ZFP30: variants seen among roughly 807,000 people sequenced by gnomAD.
ZFP30 encodes ZFP30 zinc finger protein.
Under a neutral mutation model 12.3 loss-of-function variants are expected in ZFP30, and 16 were observed. The observed-to-expected ratio is 1.30, with a 90% confidence interval of 0.88 to 1.98. The LOEUF (loss-of-function observed/expected upper bound fraction) is 1.98. ZFP30 is among the 30% of genes most tolerant of loss of function. The pLI is 0.00. For missense variants in ZFP30, 560 were observed against 611.2 expected (o/e 0.92, Z 0.88); for synonymous variants, 172 against 201.0 (o/e 0.86, Z 1.22).
intron 5 of ZFP30, among the ~76,000 whole-genome samples, chr19:37,640,248 G>A (rs917508770): frequency 1.3e-5 from 2 of 151,968 alleles, no homozygotes; most frequent in Non-Finnish European, 2.9e-5. Context: ...TGTTTCATAA[G>A]TACTTTAATC....
intron 2 of ZFP30, among the ~76,000 whole-genome samples, chr19:37,653,389 A>G (rs1439621510): frequency 6.6e-6 from 1 of 152,160 alleles, no homozygotes; most frequent in Non-Finnish European, 1.5e-5. Context: ...ACCCCTCCTC[A>G]GCTCCAATAA....
At position 37,636,406 on chromosome 19, in the gene ZFP30, AAAAG is replaced by A. The variant is rs1358481622; in HGVS notation, c.236-105_236-102del. 37 of 1,270,820 alleles carry A rather than the reference AAAAG, an allele frequency of 2.9e-5. 1 individual carries two copies. Among genetic ancestry groups the A allele is most frequent in the African/African-American group, 4.5e-5 (3 of 65,936 alleles). 78.7% of individuals were successfully genotyped at this position (1,270,820 alleles called of 1,614,324 possible). On this transcript the variant is annotated intron_variant, in intron 5 of 5. Transcript: ENST00000684514. ...CGGTGACCAAAAAAAAAAAAAAAGA[AAAAG>A]AAAGCCCAATTGAAGTAAATGGGCT...
intron 5 of ZFP30, among the ~76,000 whole-genome samples, chr19:37,641,426 C>G (rs112912158): frequency 1.4e-4 from 22 of 152,246 alleles, no homozygotes; most frequent in African/African-American, 5.3e-4. Flanking sequence ...CTCTCAGTAA[C>G]TCTAAAACAA....
At chr19:37,642,758 G>T (rs1324353801) in intron 5 of ZFP30, among the ~76,000 whole-genome samples, 1 of 151,932 alleles carries the variant, frequency 6.6e-6, no homozygotes, top group Non-Finnish European at 1.5e-5. Context: ...AAACAAGATA[G>T]AAAAGAAACG....
At chr19:37,641,174 A>G (rs1317897895) in intron 5 of ZFP30, among the ~76,000 whole-genome samples, 2 of 152,180 alleles carry the variant, frequency 1.3e-5, no homozygotes, top group Admixed American at 6.5e-5. Flanking sequence ...TACTTCATCA[A>G]TTGGTTCCAC....
chr19:37,639,837 G>T (rs1363744674), intron 5 of ZFP30, among the ~76,000 whole-genome samples: 1 of 151,632 alleles, frequency 6.6e-6, no homozygotes, highest in Non-Finnish European at 1.5e-5. Flanking sequence ...AGGTGAACTT[G>T]AGATTGTCAT....
At chr19:37,650,483 A>T (rs2044627572) in intron 2 of ZFP30, among the ~76,000 whole-genome samples, 1 of 152,172 alleles carries the variant, frequency 6.6e-6, no homozygotes, top group Admixed American at 6.5e-5. Context: ...TATCACAAAA[A>T]GCTCCAACAG....
intron 4 of ZFP30, among the ~76,000 whole-genome samples, chr19:37,643,978 A>G (rs1047259859): frequency 1.3e-5 from 2 of 152,230 alleles, no homozygotes; most frequent in Non-Finnish European, 2.9e-5. Flanking sequence ...TTTAATAGCT[A>G]TGTAGAGCCA....
intron 3 of ZFP30, among the ~76,000 whole-genome samples, chr19:37,645,892 T>C (rs1483307448): frequency 2.0e-5 from 3 of 152,200 alleles, no homozygotes; most frequent in Admixed American, 6.5e-5. Context: ...CATTAGCATT[T>C]TTATTATAAC....
chr19:37,646,576 G>A (rs1200222391), intron 3 of ZFP30, among the ~76,000 whole-genome samples: 1 of 151,966 alleles, frequency 6.6e-6, no homozygotes, highest in Admixed American at 6.6e-5. Context: ...TCTTGGTTTT[G>A]AGGCAGGGTC....
intron 5 of ZFP30, 33 bp from the exon 6 acceptor site, chr19:37,636,338 T>C (rs1173505589): frequency 1.3e-6 from 2 of 1,517,320 alleles, no homozygotes; most frequent in Admixed American, 4.5e-5. Flanking sequence ...CATATTTTCC[T>C]GTTCTACACA....
At position 37,632,062 on chromosome 19, in the gene ZFP30, C is replaced by A. The variant is rs1241204404; in HGVS notation, c.*2919G>T. 6.6e-6 allele frequency: 1 copy of A among 151,002 alleles called. No individual in the cohort carries two copies. The highest frequency in any genetic ancestry group is 6.6e-5 in the Admixed American group (1 of 15,150). 9.4% of individuals were successfully genotyped at this position (151,002 alleles called of 1,614,324 possible). The stretch of plus-strand genomic sequence containing the variant: ...TTGTAAAAAATTAGGTTCTCGGAGT[C>A]TCTCTGAGACCACTCTGGCTCAGGA... On this transcript the variant is annotated 3_prime_UTR_variant, in exon 6 of 6. Transcript: ENST00000684514.
intron 3 of ZFP30, among the ~76,000 whole-genome samples, chr19:37,645,908 CTTTA>C (rs949057970): frequency 4.6e-5 from 7 of 152,022 alleles, no homozygotes; most frequent in African/African-American, 1.2e-4. Context: ...ATAACAGATT[CTTTA>C]TTTAATATTT....
intron 5 of ZFP30, 72 bp downstream of exon 5, chr19:37,643,193 G>A (rs117734665): frequency 1.7e-6 from 2 of 1,170,692 alleles, no homozygotes; most frequent in East Asian, 2.6e-5. Flanking sequence ...GACATCTAAG[G>A]GGTGTGTCTC....
intron 2 of ZFP30, among the ~76,000 whole-genome samples, chr19:37,653,124 A>C (rs1261670468): frequency 6.6e-6 from 1 of 151,782 alleles, no homozygotes; most frequent in Non-Finnish European, 1.5e-5. Context: ...GTCTCAAAAA[A>C]AAAAAAAAAA....
Position 37,635,381 on chromosome 19 carries a change from C to T in ZFP30, c.1160G>A (p.Cys387Tyr), listed in dbSNP as rs1205538585. 6.2e-7 allele frequency: 1 copy of T among 1,613,932 alleles called. No homozygotes were observed. The highest frequency in any genetic ancestry group is 8.5e-7 in the Non-Finnish European group (1 of 1,180,014). The change falls in exon 6 of 6, where the codon TGT becomes TAT. Residue 387 changes from cysteine to tyrosine, a missense_variant. Cys to Tyr is a radical substitution (Grantham distance 194, BLOSUM62 -2). Coordinates refer to ENST00000684514, the MANE Select transcript of ZFP30 (RefSeq NM_001320669.3). ...TGEKPYECKECQKFFRRYSEL... is the reference protein window; with the variant it reads ...TGEKPYECKEYQKFFRRYSEL... ...TGAGTAACGACGAAAGAACTTCTGACATTCCTTACATTCATAGGGCTTTTC... is the reference window on the plus strand; with the variant it reads ...TGAGTAACGACGAAAGAACTTCTGATATTCCTTACATTCATAGGGCTTTTC...
chr19:37,648,646 C>T (rs1314168793), intron 2 of ZFP30, among the ~76,000 whole-genome samples: 2 of 152,144 alleles, frequency 1.3e-5, no homozygotes, highest in Non-Finnish European at 2.9e-5. Context: ...GGACTTGAGA[C>T]TTTGCATTTC....
chr19:37,643,418 A>G, intron 4 of ZFP30, 55 bp from the exon 5 acceptor site: 1 of 1,292,076 alleles, frequency 7.7e-7, no homozygotes, highest in Non-Finnish European at 1.0e-6. Flanking sequence ...TTCAAAACAA[A>G]GAAGACTATC....
chr19:37,642,272 T>G (rs893257235), intron 5 of ZFP30, among the ~76,000 whole-genome samples: 1 of 152,214 alleles, frequency 6.6e-6, no homozygotes, highest in Non-Finnish European at 1.5e-5. Flanking sequence ...TTCCTTTTAA[T>G]TTATGCTTTT....
Sources: gnomAD v4.1 joint callset for allele counts (sites outside exome capture counted in the v4.1 genomes callset) on GRCh38, gnomAD v4.1.1 for gene constraint, MANE v1.5 for transcripts, NCBI Gene and HGNC (gene_info 2026-07-23, HGNC 2026-07-21) for gene names.